LETMD1: variants seen among roughly 807,000 people sequenced by gnomAD.
LETMD1 encodes the protein LETM1 domain-containing protein 1.
In LETMD1, 30 loss-of-function variants were observed where a neutral mutation model predicts 43.9. That is an observed-to-expected ratio of 0.68 (90% CI 0.51 to 0.93). The LOEUF (loss-of-function observed/expected upper bound fraction) is 0.93, where lower values mean the gene tolerates loss of function less well. Among genes scored for constraint, LETMD1 ranks in the 40% least tolerant of loss-of-function variants. The pLI, the probability that LETMD1 is intolerant of heterozygous loss-of-function variation, is 0.00. For synonymous variants in LETMD1, 176 were observed against 163.1 expected (o/e 1.08, Z -0.60); for missense variants, 413 against 447.7 (o/e 0.92, Z 0.70).
chr12:51,051,144 G>A (rs987421097), intron 2 of LETMD1, among the ~76,000 whole-genome samples: 2 of 152,114 alleles, frequency 1.3e-5, no homozygotes, highest in East Asian at 1.9e-4. Flanking sequence ...GGTGGCTCAC[G>A]CCTGTAATCC....
chr12:51,049,483 A>G, intron 2 of LETMD1: 2 of 299,838 alleles, frequency 6.7e-6, no homozygotes, highest in Non-Finnish European at 1.3e-5. Context: ...TGCCTTGCAC[A>G]CGGCAGGGAT....
At chr12:51,061,132 C>T (rs919303778), downstream of LETMD1, 4 of 152,200 alleles carry the variant, frequency 2.6e-5, no homozygotes, top group Middle Eastern at 3.4e-3. Context: ...AGTTTTATAA[C>T]GAAGCTAGAG....
intron 4 of LETMD1, among the ~76,000 whole-genome samples, chr12:51,054,827 G>A (rs1000481666): frequency 1.5e-4 from 23 of 152,190 alleles, no homozygotes; most frequent in African/African-American, 5.3e-4. Flanking sequence ...GTGGCCAGGT[G>A]CAGTGGCTCA....
chr12:51,063,978 G>T, downstream of LETMD1: 1 of 1,613,718 alleles, frequency 6.2e-7, no homozygotes, highest in Non-Finnish European at 8.5e-7. Context: ...GAGGGCAGCT[G>T]GGTCTGTGGA....
intron 3 of LETMD1, 22 bp from the exon 4 acceptor site, chr12:51,053,756 A>G (rs768478908): frequency 2.6e-6 from 4 of 1,562,916 alleles, no homozygotes; most frequent in Non-Finnish European, 3.5e-6. Context: ...TTAAAACTGC[A>G]TCTGTGTTTA....
Position 51,058,025 on chromosome 12 carries a change from G to A in LETMD1, c.916-7G>A. On this transcript the variant is annotated splice_polypyrimidine_tract_variant and splice_region_variant and intron_variant, in intron 7 of 8. Transcript: ENST00000262055. ...ATTAAGGACCATTTCTGTTCTGAGT[G>A]GTATAGGCTTGTTATCTCCGTGGCC... 1 of 1,575,836 alleles carries A rather than the reference G, an allele frequency of 6.3e-7. No individual in the cohort carries two copies. The highest frequency in any genetic ancestry group is 2.2e-5 in the East Asian group (1 of 44,692).
chr12:51,062,295 GGTT>G (rs769466640), downstream of LETMD1: 10 of 152,212 alleles, frequency 6.6e-5, no homozygotes, highest in Non-Finnish European at 1.3e-4. Context: ...GTGTGTGTGT[GGTT>G]AATAAACCAT....
Position 51,059,409 on chromosome 12 carries a change from A to T in LETMD1, c.1061A>T (p.Asn354Ile). The T allele has an allele frequency of 1.2e-6, 2 of 1,614,188 alleles. No individual in the cohort carries two copies. The highest frequency in any genetic ancestry group is 1.7e-6 in the Non-Finnish European group (2 of 1,180,008). The change falls in exon 9 of 9, where the codon AAC becomes ATC. Residue 354 changes from asparagine to isoleucine, a missense_variant. Asn to Ile is a moderately radical substitution (Grantham distance 149). Transcript: ENST00000262055. ...LLHNVVLLSTNYLGTRR is the reference protein window; with the variant it reads ...LLHNVVLLSTIYLGTRR ...CACAACGTGGTCCTGCTCTCCACCA[A>T]CTACCTTGGGACAAGGCGCTGAATG...
At chr12:51,063,760 G>A (rs1200213995), downstream of LETMD1, 10 of 1,562,664 alleles carry the variant, frequency 6.4e-6, no homozygotes, top group East Asian at 2.3e-4. Flanking sequence ...ACTGCCAGAG[G>A]GAGTTCTAAG....
intron 3 of LETMD1, 99 bp from the exon 4 acceptor site, chr12:51,053,679 G>A: frequency 1.3e-6 from 1 of 755,524 alleles, no homozygotes; most frequent in South Asian, 1.9e-5. Flanking sequence ...CTTTTTCTGG[G>A]CTGTAATAGA....
Position 51,059,371 on chromosome 12 carries a change from G to A in LETMD1, c.1023G>A (p.Leu341=). ...QISCSLKEAE[L]SLLLHNVVLL... Reference sequence around the variant, plus strand: ...ACACTGTGTTTTCAGAAGCTGAGCTGTCTCTCTTGCTGCACAACGTGGTCC... The same window carrying A: ...ACACTGTGTTTTCAGAAGCTGAGCTATCTCTCTTGCTGCACAACGTGGTCC... Residue 341 remains leucine (L), a synonymous_variant, in exon 9 of 9, where the codon CTG becomes CTA. Coordinates refer to ENST00000262055, the MANE Select transcript of LETMD1 (RefSeq NM_015416.5). 2 of 1,614,192 alleles carry A rather than the reference G, an allele frequency of 1.2e-6. No individual in the cohort carries two copies. The highest frequency in any genetic ancestry group is 1.7e-6 in the Non-Finnish European group (2 of 1,179,990).
the LETMD1 span, among the ~76,000 whole-genome samples, chr12:51,068,235 A>G: frequency 6.6e-6 from 1 of 152,072 alleles, no homozygotes; most frequent in Non-Finnish European, 1.5e-5. Context: ...TTGGCTCACT[A>G]CAACCTCCGC....
intron 4 of LETMD1, among the ~76,000 whole-genome samples, chr12:51,055,270 G>A (rs1033674458): frequency 1.2e-4 from 19 of 152,152 alleles, no homozygotes; most frequent in African/African-American, 3.6e-4. Flanking sequence ...TGATTGCTGC[G>A]TGGCAGGCTA....
At chr12:51,054,871 C>T (rs889715311) in intron 4 of LETMD1, among the ~76,000 whole-genome samples, 10 of 152,122 alleles carry the variant, frequency 6.6e-5, no homozygotes, top group East Asian at 1.9e-4. Flanking sequence ...GAGGCCGAGG[C>T]GGGCAGATCA....
rs1592513094 is a variant in LETMD1 at position 51,048,745 on chromosome 12, C to A, written c.122+267C>A. On this transcript the variant is annotated intron_variant, in intron 1 of 8. Coordinates refer to ENST00000262055, the MANE Select transcript of LETMD1 (RefSeq NM_015416.5). Reference sequence around the variant, plus strand: ...TTTTTCGGCTCAGGTTTTACCGCTGCTATCTCGATTCCACCTCTTTCTGAC... The same window carrying A: ...TTTTTCGGCTCAGGTTTTACCGCTGATATCTCGATTCCACCTCTTTCTGAC... 3 of 594,608 alleles carry A rather than the reference C, an allele frequency of 5.0e-6. No individual in the cohort carries two copies. In the East Asian group the frequency reaches 8.5e-5, roughly 17 times the overall value. The allele number at this position is 594,608 out of a possible 1,614,324, so 36.8% of individuals were successfully genotyped here. A position where few individuals can be genotyped will look rare whatever the true frequency, so the allele number is the denominator to read the frequency against.
Position 51,049,133 on chromosome 12 carries a change from C to T in LETMD1, c.222C>T (p.Phe74=), listed in dbSNP as rs1279680030. ...CGATTAATGGGAAATACCATCGTTT[C>T]TTGGGTCGTCATTTCCCCCGCTTCT... ...TKAINGKYHR[F]LGRHFPRFYV... is the part of the protein sequence containing the mutation. Residue 74 remains phenylalanine (F), a synonymous_variant, in exon 2 of 9, where the codon TTC becomes TTT. Transcript: ENST00000262055. 6.2e-7 allele frequency: 1 copy of T among 1,613,848 alleles called. No homozygotes were observed. The highest frequency in any genetic ancestry group is 1.3e-5 in the African/African-American group (1 of 74,890).
At chr12:51,055,681 A>AC in intron 4 of LETMD1, 154 bp from the exon 5 acceptor site, 4 of 432,978 alleles carry the variant, frequency 9.2e-6, no homozygotes. Context: ...AAAAAAAAAA[A>AC]AAAAAAAAAC....
At chr12:51,048,933 TG>T in intron 1 of LETMD1, 100 bp from the exon 2 acceptor site, 1 of 1,138,128 alleles carries the variant, frequency 8.8e-7, no homozygotes, top group African/African-American at 1.6e-5. Flanking sequence ...TGTCAAGCCT[TG>T]GGATACAATC....
At chr12:51,048,221 G>A (rs770359689), upstream of LETMD1, 5 of 1,178,524 alleles carry the variant, frequency 4.2e-6, no homozygotes, top group African/African-American at 1.5e-5. Context: ...CCCTCTCCTG[G>A]CTTGTGCTGG....
Sources: allele counts gnomAD v4.1 joint callset (sites outside exome capture counted in the v4.1 genomes callset), GRCh38; gene constraint gnomAD v4.1.1; transcripts MANE v1.5; gene names NCBI Gene and HGNC (gene_info 2026-07-23, HGNC 2026-07-21).